The following FARP2 variants were observed in gnomAD, a reference collection of about 807,000 sequenced individuals.
FARP2 encodes the protein FERM, ARH/RhoGEF and pleckstrin domain protein 2, also known as FERM, ARHGEF and pleckstrin domain-containing protein 2.
Under a neutral mutation model 130.5 loss-of-function variants are expected in FARP2, and 111 were observed. The observed-to-expected ratio is 0.85, with a 90% confidence interval of 0.73 to 1.00. The LOEUF is 1.00. Ranked by LOEUF, FARP2 falls within the 50% of genes least tolerant of loss-of-function variation. FARP2 has a pLI of 0.00. For missense variants in FARP2, 1,385 were observed against 1,346.3 expected, an observed-to-expected ratio of 1.03 and a Z score of -0.45; for synonymous variants, 504 against 516.9, an observed-to-expected ratio of 0.98 and a Z score of 0.34.
intron 1 of FARP2, among the ~76,000 whole-genome samples, chr2:241,356,702 CG>C (rs1212807131): frequency 6.6e-5 from 10 of 151,528 alleles, no homozygotes; most frequent in Non-Finnish European, 1.3e-4. Context: ...GGCTGTAGAC[CG>C]GGGAGTGTCC....
At chr2:241,406,964 C>G (rs777181971) in intron 4 of FARP2, among the ~76,000 whole-genome samples, 4 of 152,034 alleles carry the variant, frequency 2.6e-5, no homozygotes, top group African/African-American at 9.7e-5. Context: ...CCCGCCACCA[C>G]GCCCGGCTAA....
At chr2:241,392,429 T>C (rs2061929231) in intron 2 of FARP2, among the ~76,000 whole-genome samples, 1 of 152,190 alleles carries the variant, frequency 6.6e-6, no homozygotes, top group Admixed American at 6.5e-5. Flanking sequence ...CAGGTTCAAA[T>C]TGGGGGATTT....
intron 5 of FARP2, among the ~76,000 whole-genome samples, chr2:241,410,484 T>G (rs2062488072): frequency 6.6e-6 from 1 of 150,752 alleles, no homozygotes; most frequent in East Asian, 2.0e-4. Context: ...TAACATGGAG[T>G]GCAGTGGCAT....
chr2:241,465,216 C>G (rs2064137336), intron 17 of FARP2, among the ~76,000 whole-genome samples: 1 of 152,194 alleles, frequency 6.6e-6, no homozygotes, highest in Non-Finnish European at 1.5e-5. Flanking sequence ...GCAGGATTCT[C>G]CCCCAGAACA....
In FARP2 at chr2:241,410,520, A is replaced by C. The variant is rs537779733; in HGVS notation, c.411-513A>C. ...GATCTCAGCTCACTGCAACCTCTGC[A>C]TCCGGGTTCAGGCGATTCTCCTGCC... On this transcript the variant is annotated intron_variant, in intron 5 of 26. Transcript: ENST00000264042. Among the ~76,000 whole-genome samples the C allele has an allele frequency of 6.0e-5, 9 of 150,474 alleles. 1 individual carries two copies. The South Asian group carries it at 1.9e-3, about 32-fold the overall frequency.
chr2:241,400,229 A>AAG (rs10687319), intron 2 of FARP2, among the ~76,000 whole-genome samples: 76,438 of 151,630 alleles, frequency 0.5, 19,585 homozygotes, highest in East Asian at 0.7. Context: ...GTAGTTGAAA[A>AAG]AGGGTACAGC....
intron 17 of FARP2, chr2:241,466,220 G>A (rs750533506): frequency 6.9e-5 from 68 of 985,420 alleles, no homozygotes; most frequent in East Asian, 1.1e-4. Context: ...CCCAGAGCCC[G>A]GGCCCCTGTC....
At position 241,373,282 on chromosome 2, in the gene FARP2, G is replaced by A. The variant is rs765844978; in HGVS notation, c.175G>A (p.Asp59Asn). Residue 59 changes from aspartate (D) to asparagine (N), a missense_variant, in exon 2 of 27, where the codon GAC becomes AAC. By Grantham distance (23) the Asp-to-Asn change is conservative. Transcript: ENST00000264042. Reference sequence around the variant, plus strand: ...GCTGGACAACACCATGGAAATATTTGACATTGAGGTAAGAAGCATGATTTT... The same window carrying A: ...GCTGGACAACACCATGGAAATATTTAACATTGAGGTAAGAAGCATGATTTT... ...KLLDNTMEIF[D>N]IEPKCDGQVL... The A allele has an allele frequency of 1.4e-6, 2 of 1,452,864 alleles. No individual in the cohort carries two copies. Among genetic ancestry groups the A allele is most frequent in the Admixed American group, 4.9e-5 (2 of 40,500 alleles). The allele number at this position is 1,452,864 out of a possible 1,614,324, so 90.0% of individuals were successfully genotyped here. A position where few individuals can be genotyped will look rare whatever the true frequency, so the allele number is the denominator to read the frequency against.
chr2:241,451,129 A>T (rs2063647073), intron 13 of FARP2, among the ~76,000 whole-genome samples: 1 of 151,848 alleles, frequency 6.6e-6, no homozygotes, highest in Non-Finnish European at 1.5e-5. Flanking sequence ...TAAATTTTTG[A>T]TAATTTTATT....
At position 241,483,516 on chromosome 2, in the gene FARP2, C is replaced by CA. The variant is rs2064676401; in HGVS notation, c.2315dup (p.Arg773GlufsTer40). On this transcript the variant is annotated frameshift_variant, in exon 20 of 27. Coordinates refer to ENST00000264042, the MANE Select transcript of FARP2 (RefSeq NM_014808.4). LOFTEE classifies it high-confidence loss of function. ...CAAGCTCACCAAGAAGGGCCTGCAG[C>CA]AGAGGATGTTTTTTCTGGTAGGTTC... 2 of 1,614,044 alleles carry CA rather than the reference C, an allele frequency of 1.2e-6. No individual in the cohort carries two copies. The highest frequency in any genetic ancestry group is 2.7e-5 in the African/African-American group (2 of 74,956).
chr2:241,362,150 G>A (rs947309271), intron 1 of FARP2, among the ~76,000 whole-genome samples: 2 of 152,024 alleles, frequency 1.3e-5, no homozygotes, highest in Non-Finnish European at 2.9e-5. Flanking sequence ...ACCTGCCTCC[G>A]TCTCCCAAAG....
At chr2:241,377,516 T>C (rs1287168616) in intron 2 of FARP2, among the ~76,000 whole-genome samples, 1 of 152,092 alleles carries the variant, frequency 6.6e-6, no homozygotes, top group Admixed American at 6.6e-5. Context: ...TAATTTTTTG[T>C]ATTTTTAGTA....
At chr2:241,369,324 A>G (rs1286021265) in intron 1 of FARP2, among the ~76,000 whole-genome samples, 1 of 152,148 alleles carries the variant, frequency 6.6e-6, no homozygotes, top group Non-Finnish European at 1.5e-5. Context: ...AATCAGATAT[A>G]TGGCTTAATG....
chr2:241,396,336 G>A (rs1024039515), intron 2 of FARP2, among the ~76,000 whole-genome samples: 1 of 152,058 alleles, frequency 6.6e-6, no homozygotes, highest in African/African-American at 2.4e-5. Flanking sequence ...TGACAAATGG[G>A]ATCTAATTAA....
In FARP2 at chr2:241,357,627, AG is replaced by A. The variant is rs111670948; in HGVS notation, c.-25+1242del. Among the ~76,000 whole-genome samples, 11 of 152,318 alleles carry A rather than the reference AG, an allele frequency of 7.2e-5. 1 individual carries two copies. The highest frequency in any genetic ancestry group is 2.6e-4 in the African/African-American group (11 of 41,576). On this transcript the variant is annotated intron_variant, in intron 1 of 26. Coordinates refer to ENST00000264042, the MANE Select transcript of FARP2 (RefSeq NM_014808.4). ...TTGAGAGAGGTGGAATGACCAGTTT[AG>A]GGTCACACCTAGGGTACTTGCAAAT...
chr2:241,456,948 AG>A, intron 14 of FARP2, 26 bp downstream of exon 14: 1 of 1,557,382 alleles, frequency 6.4e-7, no homozygotes, highest in Non-Finnish European at 8.7e-7. Flanking sequence ...CTGAGAAGCT[AG>A]CAGAGGGTTG....
chr2:241,448,294 T>C (rs1172717696), intron 13 of FARP2, among the ~76,000 whole-genome samples: 1 of 152,256 alleles, frequency 6.6e-6, no homozygotes, highest in African/African-American at 2.4e-5. Flanking sequence ...GGCACCTGGG[T>C]GCCTAAATCC....
chr2:241,415,089 G>A (rs769840953), intron 7 of FARP2, among the ~76,000 whole-genome samples: 2 of 152,202 alleles, frequency 1.3e-5, no homozygotes, highest in Admixed American at 6.5e-5. Flanking sequence ...CAGACCATGC[G>A]TGCAGAGCTC....
chr2:241,410,237 C>G (rs28440024), intron 5 of FARP2, among the ~76,000 whole-genome samples: 5,202 of 152,198 alleles, frequency 0.034, 291 homozygotes, highest in African/African-American at 0.12. Context: ...TATTATCAAT[C>G]CGTTAAAAAA....
Sources: allele counts gnomAD v4.1 joint callset (sites outside exome capture counted in the v4.1 genomes callset), GRCh38; gene constraint gnomAD v4.1.1; transcripts MANE v1.5; gene names NCBI Gene and HGNC (gene_info 2026-07-23, HGNC 2026-07-21).